Variants in WDR90 observed in about 807,000 individuals in gnomAD.
WDR90 encodes WD repeat-containing protein 90.
Under a neutral mutation model 195.2 loss-of-function variants are expected in WDR90, and 238 were observed. The observed-to-expected ratio is 1.22, with a 90% CI of 1.10 to 1.36. The LOEUF (loss-of-function observed/expected upper bound fraction) is 1.36, where lower values mean the gene tolerates loss of function less well. Ranked by LOEUF, WDR90 falls within the 40% of genes most tolerant of loss-of-function variation. The pLI, the probability that WDR90 is intolerant of heterozygous loss-of-function variation, is 0.00. For synonymous variants in WDR90, 1,265 were observed against 1,052.4 expected (o/e 1.20, Z -3.91); for missense variants, 2,734 against 2,439.5 (o/e 1.12, Z -2.54).
At chr16:652,997 G>A (rs2037675971) in intron 10 of WDR90, among the ~76,000 whole-genome samples, 1 of 152,206 alleles carries the variant, frequency 6.6e-6, no homozygotes, top group South Asian at 2.1e-4. Context: ...CCTGCTGGGT[G>A]CCTGCTCTGA....
At chr16:651,290 A>G in intron 7 of WDR90, 24 bp downstream of exon 7, 1 of 1,611,744 alleles carries the variant, frequency 6.2e-7, no homozygotes, top group Non-Finnish European at 8.5e-7. Context: ...GTCAGCGGGG[A>G]CCCAGGTTAA....
chr16:657,726 C>T (rs1224210518), intron 20 of WDR90, 36 bp from the exon 21 acceptor site: 1 of 1,511,814 alleles, frequency 6.6e-7, no homozygotes, highest in Non-Finnish European at 8.9e-7. Flanking sequence ...CCCCGGCACT[C>T]CCCACCCAGC....
chr16:651,162 G>A (rs1399758556), intron 6 of WDR90, 37 bp from the exon 7 acceptor site: 1 of 1,613,100 alleles, frequency 6.2e-7, no homozygotes, highest in African/African-American at 1.3e-5. Context: ...GGTGGCCCTT[G>A]GGCCCCCAGA....
chr16:658,769 A>G, intron 23 of WDR90, 116 bp downstream of exon 23: 1 of 1,548,940 alleles, frequency 6.5e-7, no homozygotes, highest in Non-Finnish European at 8.7e-7. Context: ...GGTGAGAGTG[A>G]CCCCCCAAGG....
chr16:665,654 C>G (rs2038008945), intron 34 of WDR90, 25 bp from the exon 35 acceptor site: 1 of 1,612,442 alleles, frequency 6.2e-7, no homozygotes, highest in Non-Finnish European at 8.5e-7. Flanking sequence ...GCCAACACCC[C>G]CAGCCTAGCT....
At position 666,523 on chromosome 16, in the gene WDR90, C is replaced by G. The variant is rs2038056172; in HGVS notation, c.4809C>G (p.Val1603=). 6.2e-7 allele frequency: 1 copy of G among 1,612,646 alleles called. No individual in the cohort carries two copies. The highest frequency in any genetic ancestry group is 1.1e-5 in the South Asian group (1 of 91,084). The change falls in exon 38 of 41, where the codon GTC becomes GTG. Residue 1603 remains valine (V), a synonymous_variant. Transcript: ENST00000293879. ...LAASGDQRVS[V]WASDWLRNHC... is the part of the protein sequence containing the mutation. The stretch of plus-strand genomic sequence containing the variant: ...CCAGTGGGGACCAGCGGGTCAGCGT[C>G]TGGGCCTCCGACTGGCTGCGGAACC...
In WDR90 at chr16:656,304, C is replaced by T. The variant is rs752169289; in HGVS notation, c.1969C>T (p.His657Tyr). 1.9e-6 allele frequency: 3 copies of T among 1,605,438 alleles called. No individual in the cohort carries two copies. The highest frequency in any genetic ancestry group is 2.5e-6 in the Non-Finnish European group (3 of 1,177,302). The change falls in exon 18 of 41, where the codon CAC (histidine) becomes TAC (tyrosine). Residue 657 changes from histidine (H) to tyrosine (Y), a missense_variant and splice_region_variant. By Grantham distance (83) the His-to-Tyr change is moderately conservative. Transcript: ENST00000293879. ...CCCTGACCCCACCCCACCCACAGAG[C>T]ACGAGGGCCCCGTCAGCTCAGTCTG... ...DFSSVLLEAE[H>Y]EGPVSSVCVS...
At chr16:660,393 C>T (rs2037870334) in intron 27 of WDR90, among the ~76,000 whole-genome samples, 1 of 152,190 alleles carries the variant, frequency 6.6e-6, no homozygotes, top group South Asian at 2.1e-4. Flanking sequence ...CCCTCTCACC[C>T]AGCAGCTGCC....
Position 650,278 on chromosome 16 carries a change from T to C in WDR90, c.304T>C (p.Phe102Leu). 1 of 1,612,952 alleles carries C rather than the reference T, an allele frequency of 6.2e-7. No homozygotes were observed. The highest frequency in any genetic ancestry group is 8.5e-7 in the Non-Finnish European group (1 of 1,179,912). ...GGACAACCAAGTCATCCGTGTGTCT[T>C]TCTCCAACCTCTTCAAGGAGTTTAA... ...SKDNQVIRVS[F>L]SNLFKEFKST... Residue 102 changes from phenylalanine to leucine, a missense_variant, in exon 4 of 41, where the codon TTC (phenylalanine) becomes CTC (leucine). Coordinates refer to ENST00000293879, the MANE Select transcript of WDR90 (RefSeq NM_145294.5).
intron 20 of WDR90, chr16:657,477 T>G: frequency 1.4e-6 from 1 of 714,848 alleles, no homozygotes; most frequent in South Asian, 2.0e-5. Flanking sequence ...GGTCAGCAGC[T>G]GGAGTCAGAC....
chr16:667,410 C>G (rs2038124004), intron 40 of WDR90, 22 bp from the exon 41 acceptor site: 1 of 1,580,016 alleles, frequency 6.3e-7, no homozygotes, highest in South Asian at 1.1e-5. Flanking sequence ...GGCCCTGGCC[C>G]ACCTGCACCG....
At chr16:655,942 G>A in intron 17 of WDR90, 53 bp downstream of exon 17, 1 of 1,536,562 alleles carries the variant, frequency 6.5e-7, no homozygotes, top group Admixed American at 1.9e-5. Flanking sequence ...CCTGGATGCT[G>A]GGGCGGGGAA....
intron 13 of WDR90, 195 bp from the exon 14 acceptor site, chr16:654,834 C>G (rs1285911639): frequency 3.4e-6 from 2 of 597,010 alleles, no homozygotes; most frequent in Non-Finnish European, 5.9e-6. Flanking sequence ...CATTGCGGGT[C>G]TCTGTAGAAG....
In WDR90 at chr16:653,659, C is replaced by G; in HGVS notation, c.1368C>G (p.Val456=). The change falls in exon 12 of 41, where the codon GTC becomes GTG. Residue 456 remains valine (V), a synonymous_variant. Coordinates refer to ENST00000293879, the MANE Select transcript of WDR90 (RefSeq NM_145294.5). ...TGTTCCGGAGCCCAATGCACGTTGT[C>G]TGCTCTCTCAGGTGAGCACAGGTCT... ...LCLFRSPMHV[V]CSLSFSDSGA... The G allele has an allele frequency of 6.2e-7, 1 of 1,613,526 alleles. No homozygotes were observed. The highest frequency in any genetic ancestry group is 8.5e-7 in the Non-Finnish European group (1 of 1,179,978).
At position 653,286 on chromosome 16, in the gene WDR90, GC is replaced by G. The variant is rs982440688; in HGVS notation, c.1123-53del. On this transcript the variant is annotated intron_variant, in intron 10 of 40. Coordinates refer to ENST00000293879, the MANE Select transcript of WDR90 (RefSeq NM_145294.5). The stretch of plus-strand genomic sequence containing the variant: ...GGGAGGTGAGGCTGACCTCCCGGCA[GC>G]CAGGAGGGGCCTGGCGTAGCACCGG... 69 of 1,410,460 alleles carry G rather than the reference GC, an allele frequency of 4.9e-5. No individual in the cohort carries two copies. In the Middle Eastern group the frequency reaches 1.7e-3, roughly 35 times the overall value. The allele number at this position is 1,410,460 out of a possible 1,614,324, so 87.4% of individuals were successfully genotyped here.
In WDR90 at chr16:659,284, C is replaced by T. The variant is rs757430459; in HGVS notation, c.3092C>T (p.Ala1031Val). The T allele has an allele frequency of 5.6e-6, 9 of 1,606,254 alleles. No homozygotes were observed. Among genetic ancestry groups the T allele is most frequent in the Middle Eastern group, 1.7e-4 (1 of 6,050 alleles). The change falls in exon 26 of 41, where the codon GCC becomes GTC. Residue 1031 changes from alanine to valine, a missense_variant. Ala to Val is a moderately conservative substitution (Grantham distance 64). Transcript: ENST00000293879. ...AGPLEDAASR[A>V]SELPRQQVPK... ...CCGCTGGAGGACGCAGCGTCCAGGG[C>T]CAGCGAGCTCCCCCGGCAGCAGGTC...
chr16:659,479 G>C (rs1053135203), intron 26 of WDR90, 103 bp downstream of exon 26: 1 of 1,456,664 alleles, frequency 6.9e-7, no homozygotes, highest in Non-Finnish European at 9.3e-7. Flanking sequence ...TGGGGTGCAG[G>C]TGCCATCGCT....
In WDR90 at chr16:650,313, C is replaced by T; in HGVS notation, c.339C>T (p.Ala113=). The T allele has an allele frequency of 6.2e-7, 1 of 1,612,978 alleles. No homozygotes were observed. The highest frequency in any genetic ancestry group is 8.5e-7 in the Non-Finnish European group (1 of 1,179,990). The part of the protein sequence containing the change: ...SNLFKEFKST[A]TWLQFPLVLE... ...TCTTCAAGGAGTTTAAGTCTACGGC[C>T]ACGTGGCTCCAGTTTCCCTTGGTCC... The change falls in exon 4 of 41, where the codon GCC becomes GCT. Residue 113 remains alanine, a synonymous_variant. Coordinates refer to ENST00000293879, the MANE Select transcript of WDR90 (RefSeq NM_145294.5).
At position 659,446 on chromosome 16, in the gene WDR90, A is replaced by G. The variant is rs1167601517; in HGVS notation, c.3184+70A>G. 12 of 1,548,666 alleles carry G rather than the reference A, an allele frequency of 7.7e-6. No individual in the cohort carries two copies. In the African/African-American group the frequency reaches 1.2e-4, roughly 16 times the overall value. ...GAGAGGGCACAGGCCCAGTGGCAGCAGGTACTCACGCACGTCCAGCTCTGG... is the reference window on the plus strand; with the variant it reads ...GAGAGGGCACAGGCCCAGTGGCAGCGGGTACTCACGCACGTCCAGCTCTGG... On this transcript the variant is annotated intron_variant, in intron 26 of 40. Transcript: ENST00000293879.
Sources: gnomAD v4.1 joint callset for allele counts (sites outside exome capture counted in the v4.1 genomes callset) on GRCh38, gnomAD v4.1.1 for gene constraint, MANE v1.5 for transcripts, NCBI Gene and HGNC (gene_info 2026-07-23, HGNC 2026-07-21) for gene names.